Variants in HEPH observed in about 807,000 individuals in gnomAD.
The protein encoded by HEPH is hephaestin.
HEPH carries 69 observed loss-of-function variants against 80.8 expected under a neutral mutation model. The observed-to-expected ratio is 0.85, with a 90% CI of 0.70 to 1.04. HEPH has a LOEUF of 1.04. HEPH is among the 50% of genes least tolerant of loss of function. HEPH has a pLI of 0.00. For synonymous variants in HEPH, 431 were observed against 322.8 expected (o/e 1.34, Z -3.60); for missense variants, 1,115 against 891.3 (o/e 1.25, Z -3.20).
chrX:66,252,691 A>C (rs766754790), intron 15 of HEPH, among the ~76,000 whole-genome samples: 1 of 112,393 alleles, frequency 8.9e-6, no homozygotes, highest in East Asian at 2.8e-4. Flanking sequence ...ACTCATACTT[A>C]CTGGTTTCTA....
chrX:66,237,944 G>A (rs1042976356), intron 15 of HEPH, among the ~76,000 whole-genome samples: 2 of 111,856 alleles, frequency 1.8e-5, no homozygotes, highest in Non-Finnish European at 1.9e-5. Context: ...TGCAACCCCT[G>A]CTTCTTTGTG....
At chrX:66,192,066 G>C (rs2087820599) in intron 6 of HEPH, 64 bp from the exon 7 acceptor site, 1 of 1,063,379 alleles carries the variant, frequency 9.4e-7, no homozygotes, top group Admixed American at 2.4e-5. Flanking sequence ...AAGGAGGAAG[G>C]TGAGTCCTCT....
chrX:66,233,892 T>C (rs188045085), intron 15 of HEPH, among the ~76,000 whole-genome samples: 12 of 111,230 alleles, frequency 1.1e-4, no homozygotes, highest in Admixed American at 1.1e-3. Context: ...TGTATTTATT[T>C]ATTTAGTTTA....
chrX:66,173,982 A>T (rs185143234), intron 4 of HEPH, among the ~76,000 whole-genome samples, 181 bp downstream of exon 4: 47 of 109,230 alleles, frequency 4.3e-4, no homozygotes, highest in African/African-American at 1.5e-3. Context: ...TTGCAATTTC[A>T]TTACTTTTTT....
At chrX:66,193,708 G>A (rs933492502) in intron 8 of HEPH, 70 bp downstream of exon 8, 65 of 845,451 alleles carry the variant, frequency 7.7e-5, no homozygotes, top group Non-Finnish European at 1.1e-4. Flanking sequence ...TGAAACTGAG[G>A]CCTGGACATC....
upstream of HEPH, chrX:66,162,994 A>T: frequency 1.6e-6 from 1 of 628,459 alleles, no homozygotes; most frequent in East Asian, 3.7e-5. Flanking sequence ...GTCGCCACAA[A>T]TTGCTCCCCA....
chrX:66,260,074 T>C, intron 18 of HEPH, 26 bp from the exon 19 acceptor site: 1 of 1,192,535 alleles, frequency 8.4e-7, no homozygotes, highest in Non-Finnish European at 1.1e-6. Flanking sequence ...TCACTTCCTC[T>C]CCCTCATTCC....
intron 20 of HEPH, among the ~76,000 whole-genome samples, chrX:66,263,994 C>T (rs759726798): frequency 9.0e-6 from 1 of 110,521 alleles, no homozygotes; most frequent in African/African-American, 3.3e-5. Flanking sequence ...ATTCTAGATA[C>T]TAGTCGAAAA....
At chrX:66,178,120 G>A (rs2086896732) in intron 4 of HEPH, among the ~76,000 whole-genome samples, 1 of 110,949 alleles carries the variant, frequency 9.0e-6, no homozygotes, top group Middle Eastern at 4.6e-3. Context: ...ACAGGCCCCA[G>A]TGTGTGATGT....
intron 19 of HEPH, 152 bp from the exon 20 acceptor site, chrX:66,263,492 G>T: frequency 1.9e-6 from 1 of 514,211 alleles, no homozygotes; most frequent in South Asian, 3.3e-5. Context: ...TACCAATATT[G>T]ACTTGGACTA....
chrX:66,248,154 G>C (rs2090881335), intron 15 of HEPH, among the ~76,000 whole-genome samples: 1 of 110,188 alleles, frequency 9.1e-6, no homozygotes, highest in Non-Finnish European at 1.9e-5. Flanking sequence ...CTCCCTCTTT[G>C]CTAGATCAAC....
intron 4 of HEPH, among the ~76,000 whole-genome samples, chrX:66,180,631 T>C (rs973506444): frequency 3.2e-5 from 3 of 92,793 alleles, no homozygotes; most frequent in African/African-American, 1.5e-4. Context: ...GTGTTCTTTT[T>C]TTTTTTTTTC....
chrX:66,265,213 G>C (rs1278209946), intron 20 of HEPH, among the ~76,000 whole-genome samples: 1 of 110,727 alleles, frequency 9.0e-6, no homozygotes, highest in Non-Finnish European at 1.9e-5. Flanking sequence ...ATTGATTGAT[G>C]TTGATGAACA....
chrX:66,249,467 G>A (rs747533524), intron 15 of HEPH, among the ~76,000 whole-genome samples: 21 of 111,624 alleles, frequency 1.9e-4, no homozygotes, highest in East Asian at 8.4e-4. Context: ...GAACAAATGA[G>A]GCTTGAGGAG....
At chrX:66,193,365 C>T in intron 7 of HEPH, 137 bp from the exon 8 acceptor site, 1 of 354,454 alleles carries the variant, frequency 2.8e-6, no homozygotes, top group South Asian at 8.8e-5. Context: ...GATATCTTCA[C>T]TGGTGGGAGT....
rs2088895584 is a variant in HEPH at position 66,208,139 on chromosome X, G to A, written c.2456G>A (p.Gly819Asp). ...GGTCCACTTATCAAAGGTGAAGTTG[G>A]TGATATCCTGACTGTGGTATTCAAG... ...ILGPLIKGEV[G>D]DILTVVFKNN... The change falls in exon 15 of 21, where the codon GGT becomes GAT. Residue 819 changes from glycine (G) to aspartate (D), a missense_variant. Physicochemically the swap from Gly to Asp is moderately conservative, Grantham distance 94 (BLOSUM62 -1). This residue lies in a region of HEPH where 716 missense variants were observed against 523.5 expected (regional missense o/e 1.37). Transcript: ENST00000343002. The A allele has an allele frequency of 8.4e-7, 1 of 1,197,533 alleles. No homozygotes were observed. The highest frequency in any genetic ancestry group is 3.0e-5 in the East Asian group (1 of 33,654).
rs1409912612 is a variant in HEPH, at chrX:66,192,174, C to T, written c.1108C>T (p.Pro370Ser). 3 of 1,208,112 alleles carry T rather than the reference C, an allele frequency of 2.5e-6. No homozygotes were observed. The highest frequency in any genetic ancestry group is 1.8e-5 in the South Asian group (1 of 56,612). The change falls in exon 7 of 21, where the codon CCT (proline) becomes TCT (serine). Residue 370 changes from proline (P) to serine (S), a missense_variant. Pro to Ser is a moderately conservative substitution (Grantham distance 74, BLOSUM62 -1). Around this residue, in one of 3 missense-constraint regions of HEPH, gnomAD observed 391 missense variants for 343.6 expected, o/e 1.14. Transcript: ENST00000343002. ...CAAGGTCAAGTCTTGCTCCATGGCC[C>T]CTCCTGTGGACCTGCTCACAGGCAA... is the stretch of plus-strand genomic sequence containing the variant. ...LYKVKSCSMA[P>S]PVDLLTGKVR...
intron 15 of HEPH, among the ~76,000 whole-genome samples, chrX:66,235,343 G>A (rs1316400794): frequency 1.8e-5 from 2 of 111,994 alleles, no homozygotes; most frequent in Non-Finnish European, 1.9e-5. Flanking sequence ...TCACATTTAA[G>A]TCTTTAATCC....
chrX:66,171,659 A>T (rs1174708035), intron 2 of HEPH, among the ~76,000 whole-genome samples: 1 of 112,075 alleles, frequency 8.9e-6, no homozygotes, highest in Non-Finnish European at 1.9e-5. Context: ...ATATTCATCT[A>T]GTTTCAGAGT....
Sources: gnomAD v4.1 joint callset for allele counts (sites outside exome capture counted in the v4.1 genomes callset) on GRCh38, gnomAD v4.1.1 for gene constraint, gnomAD v4.1.1 regional missense constraint, MANE v1.5 for transcripts, NCBI Gene and HGNC (gene_info 2026-07-23, HGNC 2026-07-21) for gene names.